The following RUFY3 variants were observed in gnomAD, a reference collection of about 807,000 sequenced individuals.
RUFY3 encodes RUN and FYVE domain containing 3.
RUFY3 carries 34 observed loss-of-function variants against 84.0 expected under a neutral mutation model. The ratio of observed to expected loss-of-function variants is 0.40; its 90% CI spans 0.31 to 0.54. The LOEUF is 0.54. RUFY3 is among the 20% of genes least tolerant of loss of function. The pLI is 0.39. For synonymous variants in RUFY3, 242 were observed against 252.9 expected, an observed-to-expected ratio of 0.96 and a Z score of 0.41; for missense variants, 507 against 736.8, an observed-to-expected ratio of 0.69 and a Z score of 3.61.
chr4:70,793,437 A>G, intron 12 of RUFY3: 1 of 1,056,910 alleles, frequency 9.5e-7, no homozygotes, highest in Non-Finnish European at 1.1e-6. Flanking sequence ...AGTGGATTTA[A>G]CTTAAATTAC....
intron 1 of RUFY3, 75 bp downstream of exon 1, chr4:70,722,826 A>G: frequency 7.1e-7 from 1 of 1,417,520 alleles, no homozygotes; most frequent in Non-Finnish European, 9.7e-7. Flanking sequence ...AGGATCAGGG[A>G]GAGGTAGAAA....
At chr4:70,706,399 A>G (rs1459785792) in intron 1 of RUFY3, among the ~76,000 whole-genome samples, 1 of 152,210 alleles carries the variant, frequency 6.6e-6, no homozygotes, top group Non-Finnish European at 1.5e-5. Context: ...GGAAAAGATA[A>G]TATTTATTGA....
At chr4:70,709,245 C>T (rs912471639) in intron 1 of RUFY3, among the ~76,000 whole-genome samples, 1 of 152,180 alleles carries the variant, frequency 6.6e-6, no homozygotes, top group African/African-American at 2.4e-5. Context: ...TGCTGGTAAT[C>T]TGCTAGGTTT....
Position 70,721,980 on chromosome 4 carries a change from A to G in RUFY3, c.-594A>G. On this transcript the variant is annotated 5_prime_UTR_variant, in exon 1 of 18. Coordinates refer to ENST00000381006, the MANE Select transcript of RUFY3 (RefSeq NM_001037442.4). ...TTTCAGTTCAGTTCATTAGTCAGCC[A>G]TTTTGGTCAACACCCTGCTTACTGC... 1 of 1,232,172 alleles carries G rather than the reference A, an allele frequency of 8.1e-7. No individual in the cohort carries two copies. Among genetic ancestry groups the G allele is most frequent in the East Asian group, 3.2e-5 (1 of 31,710 alleles). The allele number at this position is 1,232,172 out of a possible 1,614,324, so 76.3% of individuals were successfully genotyped here.
rs181309166 is a variant in RUFY3 at position 70,791,473 on chromosome 4, T to G, written c.1337+1881T>G. 1.3e-3 allele frequency: 1,859 copies of G among 1,395,056 alleles called. 40 individuals are homozygous for G. In the Admixed American group the frequency reaches 0.036, roughly 27 times the overall value. 86.4% of individuals were successfully genotyped at this position (1,395,056 alleles called of 1,614,324 possible). A position where few individuals can be genotyped will look rare whatever the true frequency, so the allele number is the denominator to read the frequency against. On this transcript the variant is annotated intron_variant, in intron 12 of 17. Coordinates refer to ENST00000381006, the MANE Select transcript of RUFY3 (RefSeq NM_001037442.4). ...TGGAAATATAGGTTGGGTTTTTTTC[T>G]TATTGTTTTCTCCCCAGGGTTAGAA... is the stretch of plus-strand genomic sequence containing the variant.
chr4:70,742,681 TTGA>T (rs1166260364), intron 1 of RUFY3, among the ~76,000 whole-genome samples: 1 of 152,242 alleles, frequency 6.6e-6, no homozygotes, highest in Non-Finnish European at 1.5e-5. Context: ...GGTAAACTCC[TTGA>T]GAACAGAGAT....
At chr4:70,704,780 G>T, upstream of RUFY3, 1 of 449,812 alleles carries the variant, frequency 2.2e-6, no homozygotes, top group Non-Finnish European at 3.5e-6. Context: ...GGGCCGAGCG[G>T]CGGAGCCCAG....
At chr4:70,705,336 G>A (rs1740162961) in intron 1 of RUFY3, 4 of 1,298,400 alleles carry the variant, frequency 3.1e-6, no homozygotes, top group Non-Finnish European at 3.9e-6. Context: ...GGGGAAGGGA[G>A]CATTCGGCTG....
intron 1 of RUFY3, among the ~76,000 whole-genome samples, chr4:70,745,159 T>C (rs1721993290): frequency 6.6e-6 from 1 of 151,308 alleles, no homozygotes; most frequent in Admixed American, 6.6e-5. Context: ...TTTGCCAGGA[T>C]GGTCTCAATC....
At chr4:70,789,874 C>T in intron 12 of RUFY3, 1 of 1,070,832 alleles carries the variant, frequency 9.3e-7, no homozygotes, top group Non-Finnish European at 1.1e-6. Flanking sequence ...ATGTCAGAGT[C>T]ATGTGTTAGA....
chr4:70,755,355 T>TAAC (rs1321141666), intron 1 of RUFY3, among the ~76,000 whole-genome samples: 4 of 152,252 alleles, frequency 2.6e-5, no homozygotes, highest in African/African-American at 9.6e-5. Context: ...GAATTGCATA[T>TAAC]AACATACTTA....
intron 12 of RUFY3, chr4:70,792,250 A>G: frequency 1.0e-6 from 1 of 984,960 alleles, no homozygotes; most frequent in Non-Finnish European, 1.2e-6. Context: ...ACCTGGAAAC[A>G]TTTACTTAAG....
intron 5 of RUFY3, among the ~76,000 whole-genome samples, chr4:70,771,532 A>ATTTAT (rs1465260499): frequency 2.6e-5 from 4 of 152,084 alleles, no homozygotes; most frequent in African/African-American, 9.7e-5. Context: ...TTATATTTAT[A>ATTTAT]TTTATTTTAT....
intron 1 of RUFY3, among the ~76,000 whole-genome samples, chr4:70,708,955 G>A (rs1209361084): frequency 2.0e-5 from 3 of 152,172 alleles, no homozygotes; most frequent in Admixed American, 1.3e-4. Context: ...CTACTCAGGA[G>A]TCTGAGGTGG....
exon 1 of RUFY3, chr4:70,705,239 C>A (rs759869054): frequency 6.9e-7 from 1 of 1,459,158 alleles, no homozygotes; most frequent in South Asian, 1.3e-5. Flanking sequence ...CGCTGCCCTT[C>A]CTGCTGCTGA....
In RUFY3 at chr4:70,749,822, TG is replaced by T. The variant is rs749023153; in HGVS notation, c.179-12696del. On this transcript the variant is annotated intron_variant, in intron 1 of 17. Coordinates refer to ENST00000381006, the MANE Select transcript of RUFY3 (RefSeq NM_001037442.4). ...GCACCACCACACCCAGCTAATTTTTTGTGTGTTTTTTATGGAGAGGGGGTCT... is the reference window on the plus strand; with the variant it reads ...GCACCACCACACCCAGCTAATTTTTTTGTGTTTTTTATGGAGAGGGGGTCT... Among the ~76,000 whole-genome samples the T allele has an allele frequency of 5.8e-4, 88 of 151,890 alleles. 1 individual carries two copies. Among genetic ancestry groups the T allele is most frequent in the Non-Finnish European group, 9.7e-4 (66 of 67,970 alleles).
chr4:70,762,326 GAAAGA>G (rs1725174970), intron 1 of RUFY3, among the ~76,000 whole-genome samples, 188 bp from the exon 2 acceptor site: 1 of 152,110 alleles, frequency 6.6e-6, no homozygotes, highest in African/African-American at 2.4e-5. Flanking sequence ...AAGAAAAAAA[GAAAGA>G]AAAGACTACT....
chr4:70,728,443 T>TA (rs1173786562), intron 1 of RUFY3, among the ~76,000 whole-genome samples: 1 of 152,226 alleles, frequency 6.6e-6, no homozygotes, highest in Non-Finnish European at 1.5e-5. Context: ...ACTGAACACA[T>TA]ATCACTTTCT....
chr4:70,767,066 C>T (rs1404052663), intron 4 of RUFY3, among the ~76,000 whole-genome samples: 3 of 151,688 alleles, frequency 2.0e-5, no homozygotes, highest in Non-Finnish European at 4.4e-5. Flanking sequence ...TTTAAGTTTC[C>T]TCTGTGGCTT....
Sources: allele counts gnomAD v4.1 joint callset (sites outside exome capture counted in the v4.1 genomes callset), GRCh38; gene constraint gnomAD v4.1.1; transcripts MANE v1.5; gene names NCBI Gene and HGNC (gene_info 2026-07-23, HGNC 2026-07-21).